The following AFG1L variants were observed in gnomAD, a reference collection of about 807,000 sequenced individuals.
The protein encoded by AFG1L is AFG1-like ATPase.
Under a neutral mutation model 62.2 loss-of-function variants are expected in AFG1L, and 53 were observed. The ratio of observed to expected loss-of-function variants is 0.85; its 90% confidence interval spans 0.68 to 1.07. The LOEUF (loss-of-function observed/expected upper bound fraction) is 1.07. Among genes scored for constraint, AFG1L ranks in the 50% least tolerant of loss-of-function variants. The pLI is 0.00. For synonymous variants in AFG1L, 228 were observed against 210.3 expected, an observed-to-expected ratio of 1.08 and a Z score of -0.73; for missense variants, 555 against 590.5, an observed-to-expected ratio of 0.94 and a Z score of 0.62.
At chr6:108,417,283 CACACAA>C (rs1400196216) in intron 7 of AFG1L, among the ~76,000 whole-genome samples, 29 of 122,390 alleles carry the variant, frequency 2.4e-4, no homozygotes, top group Non-Finnish European at 4.5e-4. Context: ...CACACACACA[CACACAA>C]AAAAAAAACG....
intron 11 of AFG1L, among the ~76,000 whole-genome samples, chr6:108,518,821 T>TA (rs1330624858): frequency 1.3e-5 from 2 of 152,208 alleles, no homozygotes; most frequent in Admixed American, 1.3e-4. Context: ...GCTAAGATAA[T>TA]AAATGTAGGT....
At position 108,453,305 on chromosome 6, in the gene AFG1L, TGTA is replaced by T. The variant is rs386704705; in HGVS notation, c.890+6010_890+6012del. On this transcript the variant is annotated intron_variant, in intron 8 of 12. Transcript: ENST00000368977. Reference sequence around the variant, plus strand: ...ACATATTTGTGCTTGGCTAATATAATGTATTTACCCATCTTTTGAACAGATTTC... The same window carrying T: ...ACATATTTGTGCTTGGCTAATATAATTTTACCCATCTTTTGAACAGATTTC... 8.6e-5 allele frequency among the ~76,000 whole-genome samples: 13 copies of T among 151,780 alleles called. 1 individual carries two copies. Among genetic ancestry groups the T allele is most frequent in the Non-Finnish European group, 1.9e-4 (13 of 67,864 alleles).
intron 3 of AFG1L, among the ~76,000 whole-genome samples, chr6:108,353,016 G>A (rs1481373056): frequency 1.3e-5 from 2 of 152,052 alleles, no homozygotes; most frequent in South Asian, 2.1e-4. Flanking sequence ...TGTTTGGGTT[G>A]TTCCATCTTT....
intron 7 of AFG1L, among the ~76,000 whole-genome samples, chr6:108,421,075 AT>A (rs1479669364): frequency 1.3e-5 from 2 of 152,126 alleles, no homozygotes; most frequent in Non-Finnish European, 2.9e-5. Flanking sequence ...GCTCTTTGTC[AT>A]AGGCCACCAT....
At chr6:108,498,315 A>G (rs1774047123) in intron 10 of AFG1L, among the ~76,000 whole-genome samples, 1 of 152,222 alleles carries the variant, frequency 6.6e-6, no homozygotes, top group Non-Finnish European at 1.5e-5. Context: ...GAACAATTGC[A>G]GCCATTACTA....
intron 7 of AFG1L, among the ~76,000 whole-genome samples, chr6:108,413,989 T>C (rs951889622): frequency 2.0e-5 from 3 of 152,132 alleles, no homozygotes; most frequent in African/African-American, 7.2e-5. Flanking sequence ...AGGAGCTTAT[T>C]TTTTGAAAGG....
intron 2 of AFG1L, among the ~76,000 whole-genome samples, chr6:108,338,058 C>T (rs913297671): frequency 6.6e-5 from 10 of 152,076 alleles, no homozygotes; most frequent in African/African-American, 2.4e-4. Context: ...TGGTGGTGGG[C>T]ACCTGTGGTC....
intron 2 of AFG1L, among the ~76,000 whole-genome samples, chr6:108,330,927 A>G (rs575861560): frequency 6.6e-6 from 1 of 152,326 alleles, no homozygotes; most frequent in East Asian, 1.9e-4. Flanking sequence ...AAAATGAACT[A>G]AGACATGTGC....
At chr6:108,409,360 A>G (rs1782002582) in intron 7 of AFG1L, among the ~76,000 whole-genome samples, 1 of 152,226 alleles carries the variant, frequency 6.6e-6, no homozygotes, top group Non-Finnish European at 1.5e-5. Flanking sequence ...AAGTTGAGAA[A>G]TCAGCAAAAA....
rs1260877798 is a variant in AFG1L, at chr6:108,420,373, T to A, written c.807+18319T>A. Among the ~76,000 whole-genome samples the A allele has an allele frequency of 1.3e-4, 19 of 148,998 alleles. No homozygotes were observed. The East Asian group carries it at 3.1e-3, about 24-fold the overall frequency. On this transcript the variant is annotated intron_variant, in intron 7 of 12. Coordinates refer to ENST00000368977, the MANE Select transcript of AFG1L (RefSeq NM_145315.5). ...CCCAAGATATTTTATTAAATTTATT[T>A]AATTTATTAAATTAAATAAAAATAT...
chr6:108,365,399 G>T (rs897723295), intron 5 of AFG1L, among the ~76,000 whole-genome samples: 2 of 151,852 alleles, frequency 1.3e-5, no homozygotes, highest in East Asian at 3.9e-4. Context: ...AACTTGGATG[G>T]AATAGTTTCA....
At chr6:108,367,710 G>C (rs889840837) in intron 6 of AFG1L, among the ~76,000 whole-genome samples, 1 of 152,170 alleles carries the variant, frequency 6.6e-6, no homozygotes, top group African/African-American at 2.4e-5. Context: ...AAAAGTCTGG[G>C]CTGGAGATAT....
chr6:108,326,776 A>G (rs1778061393), intron 2 of AFG1L, among the ~76,000 whole-genome samples: 1 of 152,196 alleles, frequency 6.6e-6, no homozygotes, highest in Non-Finnish European at 1.5e-5. Context: ...CCTGGCCAAC[A>G]TGATGAAACC....
chr6:108,468,162 T>G (rs1772744272), intron 8 of AFG1L, among the ~76,000 whole-genome samples: 1 of 152,162 alleles, frequency 6.6e-6, no homozygotes, highest in Non-Finnish European at 1.5e-5. Flanking sequence ...ACAGGGAGGG[T>G]TGGTTGAAGC....
At position 108,446,051 on chromosome 6, in the gene AFG1L, T is replaced by TACAC. The variant is rs67384163; in HGVS notation, c.808-1114_808-1111dup. Among the ~76,000 whole-genome samples, 708 of 141,864 alleles carry TACAC rather than the reference T, an allele frequency of 5.0e-3. 5 individuals are homozygous for TACAC. The highest frequency in any genetic ancestry group is 0.016 in the African/African-American group (612 of 37,646). 93.1% of individuals were successfully genotyped at this position (141,864 alleles called of 152,430 possible). ...AGTATGCCTCTCATCTATGTAGAGA[T>TACAC]ACACACACACACACACACACACACA... is the stretch of plus-strand genomic sequence containing the variant. On this transcript the variant is annotated intron_variant, in intron 7 of 12. Transcript: ENST00000368977.
At chr6:108,424,068 C>T (rs1770713221) in intron 7 of AFG1L, among the ~76,000 whole-genome samples, 1 of 151,972 alleles carries the variant, frequency 6.6e-6, no homozygotes, top group South Asian at 2.1e-4. Flanking sequence ...ATACAAACTA[C>T]ACAATCACAT....
At chr6:108,489,140 A>G (rs1773681190) in intron 10 of AFG1L, among the ~76,000 whole-genome samples, 1 of 152,188 alleles carries the variant, frequency 6.6e-6, no homozygotes. Flanking sequence ...GATCACAGTT[A>G]GTCTTATACG....
At chr6:108,368,969 A>G (rs1415988502) in intron 6 of AFG1L, among the ~76,000 whole-genome samples, 1 of 152,240 alleles carries the variant, frequency 6.6e-6, no homozygotes, top group Admixed American at 6.5e-5. Context: ...AATTGGACAA[A>G]CTTAGAGAAA....
At chr6:108,297,314 G>C (rs544572494) in intron 1 of AFG1L, among the ~76,000 whole-genome samples, 16 of 151,976 alleles carry the variant, frequency 1.1e-4, no homozygotes, top group Non-Finnish European at 5.9e-5. Flanking sequence ...CACCATGTTG[G>C]GCAGGCTGGT....
Sources: allele counts gnomAD v4.1 joint callset (sites outside exome capture counted in the v4.1 genomes callset), GRCh38; gene constraint gnomAD v4.1.1; transcripts MANE v1.5; gene names NCBI Gene and HGNC (gene_info 2026-07-23, HGNC 2026-07-21).